DENND5A: variants seen among roughly 807,000 people sequenced by gnomAD.
DENND5A encodes the protein DENN domain containing 5A.
In DENND5A, 64 loss-of-function variants were observed where a neutral mutation model predicts 140.3. The observed-to-expected ratio is 0.46, with a 90% confidence interval of 0.37 to 0.56. The LOEUF is 0.56. DENND5A is among the 20% of genes least tolerant of loss of function. The pLI, the probability that DENND5A is intolerant of heterozygous loss-of-function variation, is 0.00. For missense variants in DENND5A, 1,292 were observed against 1,593.8 expected (o/e 0.81, Z 3.22); for synonymous variants, 605 against 607.7 (o/e 1.00, Z 0.07).
At chr11:9,191,777 T>C (rs1352186044) in intron 5 of DENND5A, among the ~76,000 whole-genome samples, 7 of 152,262 alleles carry the variant, frequency 4.6e-5, no homozygotes, top group African/African-American at 7.2e-5. Flanking sequence ...AGTATGCACA[T>C]AGCTTGCCTC....
chr11:9,142,408 T>C (rs1408907959), intron 21 of DENND5A, among the ~76,000 whole-genome samples: 1 of 152,228 alleles, frequency 6.6e-6, no homozygotes, highest in East Asian at 1.9e-4. Context: ...ACACAGGGCT[T>C]GGGGCTCCAA....
chr11:9,229,899 CTTTTTTTTTT>C (rs71062816), intron 1 of DENND5A, among the ~76,000 whole-genome samples: 96 of 64,936 alleles, frequency 1.5e-3, no homozygotes, highest in African/African-American at 5.8e-3. Context: ...GCTCCCATTT[CTTTTTTTTTT>C]TTTTTTTTTT....
In DENND5A at chr11:9,180,903, G is replaced by T. The variant is rs1483537841; in HGVS notation, c.1319C>A (p.Ala440Asp). ...ESASKLKRLR[A>D]SELVSDKRNG... ...CCTCTTGTCCGAGACAAGCTCAGAG[G>T]CCCGCAGCCTCTTCAGCTTGGAGGC... is the stretch of plus-strand genomic sequence containing the variant. The change falls in exon 6 of 23, where the codon GCC (alanine) becomes GAC (aspartate). Residue 440 changes from alanine to aspartate, a missense_variant. Ala to Asp is a moderately radical substitution (Grantham distance 126, BLOSUM62 -2). Transcript: ENST00000328194. 1 of 1,614,188 alleles carries T rather than the reference G, an allele frequency of 6.2e-7. No individual in the cohort carries two copies. The highest frequency in any genetic ancestry group is 1.1e-5 in the South Asian group (1 of 91,084).
intron 1 of DENND5A, among the ~76,000 whole-genome samples, chr11:9,249,268 GGAAAGT>G (rs1400856247): frequency 1.3e-5 from 2 of 151,838 alleles, no homozygotes; most frequent in African/African-American, 2.4e-5. Context: ...TGACACTCCT[GGAAAGT>G]AATTCTAACG....
At chr11:9,186,928 A>C (rs560974447) in intron 5 of DENND5A, among the ~76,000 whole-genome samples, 75 of 152,192 alleles carry the variant, frequency 4.9e-4, no homozygotes, top group Middle Eastern at 3.4e-3. Flanking sequence ...TAAAAACACA[A>C]AAAAAATTAG....
chr11:9,247,430 G>A (rs1299863402), intron 1 of DENND5A, among the ~76,000 whole-genome samples: 1 of 151,880 alleles, frequency 6.6e-6, no homozygotes, highest in African/African-American at 2.4e-5. Context: ...TGAGACAAAG[G>A]AGTTTATAAT....
chr11:9,145,240 T>C lies in DENND5A; in HGVS notation c.3004-127A>G, dbSNP rs558835519. 5.6e-6 allele frequency: 4 copies of C among 715,652 alleles called. No homozygotes were observed. In the Admixed American group the frequency reaches 6.3e-5, roughly 11 times the overall value. 44.3% of individuals were successfully genotyped at this position (715,652 alleles called of 1,614,324 possible). The stretch of plus-strand genomic sequence containing the variant: ...TCAGCATCTGCAGGCTTAGAGGTCA[T>C]GGCTCTACATACCGCCAGAACTGCG... On this transcript the variant is annotated intron_variant, in intron 17 of 22. Transcript: ENST00000328194.
intron 1 of DENND5A, among the ~76,000 whole-genome samples, chr11:9,223,220 C>G (rs1482306650): frequency 6.6e-6 from 1 of 151,950 alleles, no homozygotes; most frequent in Non-Finnish European, 1.5e-5. Flanking sequence ...AAGACATCAT[C>G]TTTACCAAAA....
At chr11:9,202,390 A>G (rs1849551226) in intron 4 of DENND5A, among the ~76,000 whole-genome samples, 1 of 152,186 alleles carries the variant, frequency 6.6e-6, no homozygotes, top group Non-Finnish European at 1.5e-5. Context: ...TAGGAAATAA[A>G]CACATGAGAA....
chr11:9,250,500 T>G (rs1449195371), intron 1 of DENND5A, among the ~76,000 whole-genome samples: 1 of 152,120 alleles, frequency 6.6e-6, no homozygotes, highest in Non-Finnish European at 1.5e-5. Flanking sequence ...TTTCAACGAT[T>G]ATGCCACTGC....
intron 1 of DENND5A, among the ~76,000 whole-genome samples, chr11:9,216,958 C>T (rs1285778914): frequency 6.6e-6 from 1 of 151,978 alleles, no homozygotes; most frequent in Admixed American, 6.6e-5. Flanking sequence ...ATCACTTAAG[C>T]CCAGGAGTTT....
chr11:9,247,476 A>G (rs546130268), intron 1 of DENND5A, among the ~76,000 whole-genome samples: 1 of 152,232 alleles, frequency 6.6e-6, no homozygotes, highest in African/African-American at 2.4e-5. Context: ...ATACTGACCT[A>G]TGGCTTTTAA....
At chr11:9,141,508 G>C (rs1310032669) in intron 22 of DENND5A, among the ~76,000 whole-genome samples, 2 of 151,982 alleles carry the variant, frequency 1.3e-5, no homozygotes, top group Non-Finnish European at 2.9e-5. Context: ...CTACAAATCG[G>C]TACAGCCCTG....
At position 9,142,081 on chromosome 11, in the gene DENND5A, A is replaced by G; in HGVS notation, c.3539T>C (p.Leu1180Ser). 6.2e-7 allele frequency: 1 copy of G among 1,601,502 alleles called. No homozygotes were observed. The highest frequency in any genetic ancestry group is 8.5e-7 in the Non-Finnish European group (1 of 1,174,020). ...CTCAGGGACTACTTCATTCTTCTCT[A>G]ATGTCTCATAATAGGTTTGTGCTTT... ...LEKAQTYYETLEKNEVVPEEN... is the reference protein window; with the variant it reads ...LEKAQTYYETSEKNEVVPEEN... The change falls in exon 22 of 23, where the codon TTA becomes TCA. Residue 1180 changes from leucine to serine, a missense_variant. Physicochemically the swap from Leu to Ser is moderately radical, Grantham distance 145. Coordinates refer to ENST00000328194, the MANE Select transcript of DENND5A (RefSeq NM_015213.4).
At chr11:9,220,230 G>A (rs1002891255) in intron 1 of DENND5A, among the ~76,000 whole-genome samples, 4 of 152,178 alleles carry the variant, frequency 2.6e-5, no homozygotes, top group Non-Finnish European at 5.9e-5. Flanking sequence ...AAAAATGATA[G>A]TTTGCTTGCA....
chr11:9,212,111 G>A (rs1446179910), intron 1 of DENND5A, among the ~76,000 whole-genome samples: 7 of 151,978 alleles, frequency 4.6e-5, no homozygotes, highest in African/African-American at 7.2e-5. Flanking sequence ...CTGGCTGGGC[G>A]TGGTAGCTCA....
In DENND5A at chr11:9,179,881, CA is replaced by C. The variant is rs933063638; in HGVS notation, c.1456-809del. Among the ~76,000 whole-genome samples, 9 of 147,950 alleles carry C rather than the reference CA, an allele frequency of 6.1e-5. No individual in the cohort carries two copies. In the East Asian group the frequency reaches 9.8e-4, roughly 16 times the overall value. On this transcript the variant is annotated intron_variant, in intron 6 of 22. Coordinates refer to ENST00000328194, the MANE Select transcript of DENND5A (RefSeq NM_015213.4). Reference sequence around the variant, plus strand: ...TTTGAAAAATATCTAGTCTACTAAGCAAAAAAAAAATCTGCTCCACTAAAGC... The same window carrying C: ...TTTGAAAAATATCTAGTCTACTAAGCAAAAAAAAATCTGCTCCACTAAAGC...
chr11:9,165,992 C>A (rs1195758168), intron 10 of DENND5A, 25 bp from the exon 11 acceptor site: 5 of 1,613,482 alleles, frequency 3.1e-6, no homozygotes, highest in Non-Finnish European at 4.2e-6. Flanking sequence ...AAAATAAAGA[C>A]CCTTTGTGTC....
At chr11:9,262,758 G>C (rs573173372) in intron 1 of DENND5A, among the ~76,000 whole-genome samples, 32 of 151,426 alleles carry the variant, frequency 2.1e-4, no homozygotes, top group African/African-American at 7.3e-4. Flanking sequence ...TTTTTGGACG[G>C]AGTCTCGCTC....
Sources: allele counts gnomAD v4.1 joint callset (sites outside exome capture counted in the v4.1 genomes callset), GRCh38; gene constraint gnomAD v4.1.1; transcripts MANE v1.5; gene names NCBI Gene and HGNC (gene_info 2026-07-23, HGNC 2026-07-21).